The following TMEM135 variants were observed in gnomAD, a reference collection of about 807,000 sequenced individuals.
TMEM135 encodes transmembrane protein 135.
In TMEM135, 30 loss-of-function variants were observed where a neutral mutation model predicts 60.3. The observed-to-expected ratio is 0.50, with a 90% CI of 0.37 to 0.68. The LOEUF (loss-of-function observed/expected upper bound fraction) is 0.68, where lower values mean the gene tolerates loss of function less well. Among genes scored for constraint, TMEM135 ranks in the 30% least tolerant of loss-of-function variants. The probability of loss-of-function intolerance (pLI) is 0.00; values close to 1 mark genes in which losing one functional copy is unlikely to be tolerated. For synonymous variants in TMEM135, 190 were observed against 186.7 expected, an observed-to-expected ratio of 1.02 and a Z score of -0.14; for missense variants, 468 against 548.8, an observed-to-expected ratio of 0.85 and a Z score of 1.47.
At chr11:87,108,146 T>C (rs192525623) in intron 4 of TMEM135, among the ~76,000 whole-genome samples, 3 of 152,374 alleles carry the variant, frequency 2.0e-5, no homozygotes, top group African/African-American at 4.8e-5. Context: ...AAGTTCTTTG[T>C]AGATTTTGGA....
chr11:87,062,346 G>T (rs1419502345), intron 1 of TMEM135, among the ~76,000 whole-genome samples: 1 of 118,186 alleles, frequency 8.5e-6, no homozygotes, highest in African/African-American at 3.3e-5. Flanking sequence ...TTCAAATTTA[G>T]GTACATGATT....
intron 4 of TMEM135, among the ~76,000 whole-genome samples, chr11:87,100,102 C>T (rs1857423172): frequency 6.6e-6 from 1 of 152,024 alleles, no homozygotes; most frequent in Non-Finnish European, 1.5e-5. Context: ...TGAGGGGGTA[C>T]ATTTGTCTGT....
intron 4 of TMEM135, among the ~76,000 whole-genome samples, chr11:87,113,273 G>T (rs953537311): frequency 2.0e-5 from 3 of 151,980 alleles, no homozygotes; most frequent in African/African-American, 7.2e-5. Context: ...TCTTGTGTTT[G>T]TGAGGAAGTA....
At chr11:87,268,668 T>A (rs1404026530) in intron 6 of TMEM135, among the ~76,000 whole-genome samples, 2 of 131,080 alleles carry the variant, frequency 1.5e-5, no homozygotes, top group African/African-American at 5.3e-5. Flanking sequence ...TTGTCTCCTA[T>A]TTGCTATTTT....
chr11:87,238,149 A>G (rs1198482296), intron 6 of TMEM135, among the ~76,000 whole-genome samples: 1 of 151,952 alleles, frequency 6.6e-6, no homozygotes, highest in Non-Finnish European at 1.5e-5. Context: ...TCTCTTCGAT[A>G]TATTGATTTG....
chr11:87,293,303 C>G (rs1942296524), intron 6 of TMEM135, among the ~76,000 whole-genome samples: 1 of 151,968 alleles, frequency 6.6e-6, no homozygotes, highest in African/African-American at 2.4e-5. Flanking sequence ...TAGCTAAATT[C>G]TATGGTTACA....
At position 87,243,359 on chromosome 11, in the gene TMEM135, C is replaced by G. The variant is rs1339257543; in HGVS notation, c.509+6675C>G. Among the ~76,000 whole-genome samples the G allele has an allele frequency of 2.1e-5, 3 of 142,766 alleles. No homozygotes were observed. The East Asian group carries it at 6.0e-4, about 28-fold the overall frequency. 93.7% of individuals were successfully genotyped at this position (142,766 alleles called of 152,430 possible). Reference sequence around the variant, plus strand: ...AGGCTCTTTTTTGGTTCCATATGAACTTTAAAGTAGTTTTTTCCAATTCTG... The same window carrying G: ...AGGCTCTTTTTTGGTTCCATATGAAGTTTAAAGTAGTTTTTTCCAATTCTG... On this transcript the variant is annotated intron_variant, in intron 6 of 14. Coordinates refer to ENST00000305494, the MANE Select transcript of TMEM135 (RefSeq NM_022918.4).
intron 10 of TMEM135, among the ~76,000 whole-genome samples, chr11:87,310,667 G>A (rs1942626044): frequency 1.3e-5 from 2 of 151,590 alleles, no homozygotes; most frequent in South Asian, 4.2e-4. Context: ...CACACACAGA[G>A]GAATGACCAT....
At chr11:87,186,059 A>T (rs1488371371) in intron 5 of TMEM135, among the ~76,000 whole-genome samples, 1 of 152,138 alleles carries the variant, frequency 6.6e-6, no homozygotes, top group Non-Finnish European at 1.5e-5. Context: ...GGCATGTGCC[A>T]CTACATTCAG....
At chr11:87,299,040 A>G (rs890933175) in intron 7 of TMEM135, among the ~76,000 whole-genome samples, 2 of 152,160 alleles carry the variant, frequency 1.3e-5, no homozygotes, top group Admixed American at 6.5e-5. Context: ...GTGAGCCGAG[A>G]TTGCGCCACT....
intron 5 of TMEM135, among the ~76,000 whole-genome samples, chr11:87,206,970 T>C (rs527687488): frequency 6.6e-6 from 1 of 152,312 alleles, no homozygotes; most frequent in African/African-American, 2.4e-5. Context: ...CCCAGCCTTC[T>C]ATGATGCCTA....
intron 6 of TMEM135, among the ~76,000 whole-genome samples, chr11:87,270,549 A>C (rs1193749801): frequency 1.3e-5 from 2 of 152,064 alleles, no homozygotes; most frequent in Non-Finnish European, 2.9e-5. Context: ...ATAACTAAAG[A>C]ACATTTCCTT....
At chr11:87,155,491 T>C (rs945070974) in intron 4 of TMEM135, among the ~76,000 whole-genome samples, 25 of 152,238 alleles carry the variant, frequency 1.6e-4, no homozygotes, top group African/African-American at 6.0e-4. Flanking sequence ...CATTCTTTTA[T>C]ATGTGGATGT....
intron 5 of TMEM135, among the ~76,000 whole-genome samples, chr11:87,233,414 C>G (rs577995856): frequency 6.6e-6 from 1 of 152,130 alleles, no homozygotes; most frequent in East Asian, 1.9e-4. Context: ...TCAGTTAAAA[C>G]TACAAGAGAG....
At chr11:87,267,805 G>A (rs554131639) in intron 6 of TMEM135, among the ~76,000 whole-genome samples, 55 of 152,162 alleles carry the variant, frequency 3.6e-4, no homozygotes, top group Admixed American at 9.2e-4. Flanking sequence ...TGATTCTCCT[G>A]CCTCAGCCTT....
At chr11:87,050,542 C>T (rs1394683604) in intron 1 of TMEM135, among the ~76,000 whole-genome samples, 2 of 51,294 alleles carry the variant, frequency 3.9e-5, no homozygotes, top group Non-Finnish European at 3.1e-5. Context: ...AACACCTCTA[C>T]GCAAATAAAC....
intron 5 of TMEM135, among the ~76,000 whole-genome samples, chr11:87,187,564 G>T (rs1049100353): frequency 6.6e-6 from 1 of 152,198 alleles, no homozygotes; most frequent in African/African-American, 2.4e-5. Flanking sequence ...ACAAAATGTA[G>T]TTTGTTGTAA....
rs989584448 is a variant in TMEM135, at chr11:87,326,191, T to C, written c.*4858T>C. Reference sequence around the variant, plus strand: ...TCTAATCTTGTCAGACCGTGGATAATAGGATGTTCCCTGGTCTTGGCATAG... The same window carrying C: ...TCTAATCTTGTCAGACCGTGGATAACAGGATGTTCCCTGGTCTTGGCATAG... On this transcript the variant is annotated 3_prime_UTR_variant, in exon 15 of 15. Coordinates refer to ENST00000305494, the MANE Select transcript of TMEM135 (RefSeq NM_022918.4). 1.5e-5 allele frequency: 7 copies of C among 453,780 alleles called. No homozygotes were observed. Among genetic ancestry groups the C allele is most frequent in the Non-Finnish European group, 2.6e-5 (6 of 226,766 alleles). 28.1% of individuals were successfully genotyped at this position (453,780 alleles called of 1,614,324 possible).
chr11:87,223,120 T>C (rs1169786112), intron 5 of TMEM135, among the ~76,000 whole-genome samples: 1 of 150,664 alleles, frequency 6.6e-6, no homozygotes, highest in Non-Finnish European at 1.5e-5. Context: ...AAAGACATAA[T>C]CGAGAAGTCT....
Sources: gnomAD v4.1 joint callset for allele counts (sites outside exome capture counted in the v4.1 genomes callset) on GRCh38, gnomAD v4.1.1 for gene constraint, MANE v1.5 for transcripts, NCBI Gene and HGNC (gene_info 2026-07-23, HGNC 2026-07-21) for gene names.